SLURP2: variants seen among roughly 807,000 people sequenced by gnomAD.
SLURP2 encodes the protein secreted Ly-6/uPAR domain-containing protein 2.
Under a neutral mutation model 9.8 loss-of-function variants are expected in SLURP2, and 4 were observed. The ratio of observed to expected loss-of-function variants is 0.41; its 90% CI spans 0.20 to 0.94. SLURP2 has a LOEUF of 0.94. SLURP2 is among the 40% of genes least tolerant of loss of function. The probability of loss-of-function intolerance (pLI) is 0.32; values close to 1 mark genes in which losing one functional copy is unlikely to be tolerated. For missense variants in SLURP2, 118 were observed against 126.4 expected (o/e 0.93, Z 0.32); for synonymous variants, 58 against 56.2 (o/e 1.03, Z -0.15).
chr8:142,769,783 C>T lies in SLURP2; in HGVS notation c.24G>A (p.Leu8=). 2 of 1,600,622 alleles carry T rather than the reference C, an allele frequency of 1.2e-6. No individual in the cohort carries two copies. Among genetic ancestry groups the T allele is most frequent in the Non-Finnish European group, 8.5e-7 (1 of 1,175,598 alleles). Residue 8 remains leucine, a synonymous_variant, in exon 1 of 3, where the codon CTG becomes CTA. Coordinates refer to ENST00000317543, the MANE Select transcript of SLURP2 (RefSeq NM_177458.3). MQLGTGL[L]LAAVLSLQLA... is the part of the protein sequence containing the mutation. ...GCTGCAGGCTCAGGACGGCGGCCAG[C>T]AGGAGCCCAGTGCCGAGCTGCATGT...
At position 142,769,749 on chromosome 8, in the gene SLURP2, A is replaced by T; in HGVS notation, c.52+6T>A. 6.2e-7 allele frequency: 1 copy of T among 1,601,048 alleles called. No homozygotes were observed. The highest frequency in any genetic ancestry group is 8.5e-7 in the Non-Finnish European group (1 of 1,175,436). ...AGCAGGAGGTGGCCCCAGCCCCTGG[A>T]CTCACCCAGCTGCAGGCTCAGGACG... On this transcript the variant is annotated splice_donor_region_variant and intron_variant, in intron 1 of 2. Coordinates refer to ENST00000317543, the MANE Select transcript of SLURP2 (RefSeq NM_177458.3).
In SLURP2 at chr8:142,764,623, G is replaced by A. The variant is rs370924430; in HGVS notation, c.276C>T (p.Ser92=). 2 of 1,607,118 alleles carry A rather than the reference G, an allele frequency of 1.2e-6. No homozygotes were observed. Among genetic ancestry groups the A allele is most frequent in the Non-Finnish European group, 8.5e-7 (1 of 1,177,838 alleles). ...PYVSIACCQT[S]LCNHD is the part of the protein sequence containing the mutation. The stretch of plus-strand genomic sequence containing the variant: ...GCAGCCGTCAGTCATGGTTGCAGAG[G>A]CTGGTCTGGCAGCAAGCGATGGATA... Residue 92 remains serine, a synonymous_variant, in exon 3 of 3, where the codon AGC becomes AGT. Transcript: ENST00000317543.
intron 1 of SLURP2, among the ~76,000 whole-genome samples, chr8:142,766,952 T>G (rs1815026171): frequency 6.6e-6 from 1 of 152,072 alleles, no homozygotes; most frequent in South Asian, 2.1e-4. Flanking sequence ...AGCCCACGCC[T>G]GCCCTATCCC....
At chr8:142,769,665 G>A (rs996752728) in intron 1 of SLURP2, 90 bp downstream of exon 1, 2 of 1,187,438 alleles carry the variant, frequency 1.7e-6, no homozygotes, top group East Asian at 2.5e-5. Context: ...CTCCCGAGGT[G>A]GGCAGTCACA....
Position 142,768,273 on chromosome 8 carries a change from G to A in SLURP2, c.52+1482C>T, listed in dbSNP as rs1815064880. 6.6e-6 allele frequency among the ~76,000 whole-genome samples: 1 copy of A among 151,618 alleles called. No homozygotes were observed. Among genetic ancestry groups the A allele is most frequent in the African/African-American group, 2.4e-5 (1 of 41,228 alleles). On this transcript the variant is annotated intron_variant, in intron 1 of 2. Transcript: ENST00000317543. This position sits in a 1 kb window ranked among gnomAD's most constrained non-coding sequence, Gnocchi z 4.8. ...GAATAATGGAGGGACAAACAGGATG[G>A]TGGGATGGGCTCTGGGTGTAGCTGC...
intron 2 of SLURP2, 62 bp from the exon 3 acceptor site, chr8:142,764,803 G>A: frequency 6.3e-7 from 1 of 1,583,974 alleles, no homozygotes; most frequent in Admixed American, 1.8e-5. Context: ...AGACCCTGCT[G>A]CCCCATCTGC....
intron 2 of SLURP2, 52 bp from the exon 3 acceptor site, chr8:142,764,793 A>G (rs1230371516): frequency 1.2e-6 from 2 of 1,601,012 alleles, no homozygotes; most frequent in Non-Finnish European, 1.7e-6. Flanking sequence ...TGGTTTGCCC[A>G]GACCCTGCTG....
chr8:142,764,542 C>A lies in SLURP2; in HGVS notation c.*63G>T, dbSNP rs773721514. The A allele has an allele frequency of 6.4e-7, 1 of 1,563,380 alleles. No homozygotes were observed. The highest frequency in any genetic ancestry group is 8.7e-7 in the Non-Finnish European group (1 of 1,149,798). Reference sequence around the variant, plus strand: ...TCTCGAGGGAGGGGCAGCTGTGAGCCCTGGCGCCAGGCTGTGGGGGCTGTG... The same window carrying A: ...TCTCGAGGGAGGGGCAGCTGTGAGCACTGGCGCCAGGCTGTGGGGGCTGTG... On this transcript the variant is annotated 3_prime_UTR_variant, in exon 3 of 3. Coordinates refer to ENST00000317543, the MANE Select transcript of SLURP2 (RefSeq NM_177458.3).
chr8:142,765,272 T>C, intron 1 of SLURP2, 132 bp from the exon 2 acceptor site: 1 of 691,380 alleles, frequency 1.4e-6, no homozygotes. Flanking sequence ...CCCGACCCTG[T>C]GATCCAGCCC....
At chr8:142,765,518 G>C (rs1263719435) in intron 1 of SLURP2, among the ~76,000 whole-genome samples, 1 of 152,178 alleles carries the variant, frequency 6.6e-6, no homozygotes, top group Non-Finnish European at 1.5e-5. Context: ...TTCTGGCCAT[G>C]CCCATTTTTG....
At position 142,764,658 on chromosome 8, in the gene SLURP2, C is replaced by T. The variant is rs1174265678; in HGVS notation, c.241G>A (p.Gly81Ser). The T allele has an allele frequency of 1.2e-6, 2 of 1,610,598 alleles. No individual in the cohort carries two copies. The highest frequency in any genetic ancestry group is 8.5e-7 in the Non-Finnish European group (1 of 1,178,972). ...CAGCAAGCGATGGATACGTAGGGGCCCAGGCCCAGGCTGGGGATATCGGGG... is the reference window on the plus strand; with the variant it reads ...CAGCAAGCGATGGATACGTAGGGGCTCAGGCCCAGGCTGGGGATATCGGGG... ...GCPDIPSLGL[G>S]PYVSIACCQT... The change falls in exon 3 of 3, where the codon GGC (glycine) becomes AGC (serine). Residue 81 changes from glycine (G) to serine (S), a missense_variant. Gly to Ser is a moderately conservative substitution (Grantham distance 56). Transcript: ENST00000317543.
Position 142,764,526 on chromosome 8 carries a change from A to AG in SLURP2, c.*78dup, listed in dbSNP as rs762251530. On this transcript the variant is annotated 3_prime_UTR_variant, in exon 3 of 3. Coordinates refer to ENST00000317543, the MANE Select transcript of SLURP2 (RefSeq NM_177458.3). ...GAGGTGGGCTGGCCAGTCTCGAGGGAGGGGCAGCTGTGAGCCCTGGCGCCA... is the reference window on the plus strand; with the variant it reads ...GAGGTGGGCTGGCCAGTCTCGAGGGAGGGGGCAGCTGTGAGCCCTGGCGCCA... The AG allele has an allele frequency of 1.4e-6, 2 of 1,430,520 alleles. No individual in the cohort carries two copies. The highest frequency in any genetic ancestry group is 2.4e-5 in the South Asian group (2 of 82,980). 88.6% of individuals were successfully genotyped at this position (1,430,520 alleles called of 1,614,324 possible).
chr8:142,765,439 A>T (rs1814971900), intron 1 of SLURP2, among the ~76,000 whole-genome samples: 1 of 142,048 alleles, frequency 7.0e-6, no homozygotes, highest in Admixed American at 7.0e-5. Flanking sequence ...GTGGTGGTGC[A>T]GCAGCCTGGG....
At chr8:142,767,424 G>T (rs1224773620) in intron 1 of SLURP2, among the ~76,000 whole-genome samples, 3 of 152,242 alleles carry the variant, frequency 2.0e-5, no homozygotes, top group African/African-American at 7.2e-5. Context: ...AACACTGGCA[G>T]CCACAGGCCA....
At position 142,765,265 on chromosome 8, in the gene SLURP2, G is replaced by A. The variant is rs113853570; in HGVS notation, c.53-125C>T. ...GCTCCTTCTCAGCGGCCAGTGTCCC[G>A]ACCCTGTGATCCAGCCCTCTCAGGA... On this transcript the variant is annotated intron_variant, in intron 1 of 2. Coordinates refer to ENST00000317543, the MANE Select transcript of SLURP2 (RefSeq NM_177458.3). 3.8e-3 allele frequency: 2,779 copies of A among 730,714 alleles called. 55 individuals are homozygous for A. The African/African-American group carries it at 0.044, about 12-fold the overall frequency. 45.3% of individuals were successfully genotyped at this position (730,714 alleles called of 1,614,324 possible). A position where few individuals can be genotyped will look rare whatever the true frequency, so the allele number is the denominator to read the frequency against.
chr8:142,766,353 CTT>C (rs1815006278), intron 1 of SLURP2: 2 of 152,012 alleles, frequency 1.3e-5, no homozygotes. Flanking sequence ...TAACTTAACT[CTT>C]TGTTCAGAGC....
chr8:142,764,424 G>C lies in SLURP2; in HGVS notation c.*181C>G, dbSNP rs1814926598. Reference sequence around the variant, plus strand: ...GCACGATGGGCCCCAGGCTTGGACGGCAGCAGATTGAGGCAAGACTCCACG... The same window carrying C: ...GCACGATGGGCCCCAGGCTTGGACGCCAGCAGATTGAGGCAAGACTCCACG... On this transcript the variant is annotated 3_prime_UTR_variant, in exon 3 of 3. Transcript: ENST00000317543. The C allele has an allele frequency of 1.4e-6, 1 of 723,634 alleles. No homozygotes were observed. Among genetic ancestry groups the C allele is most frequent in the Admixed American group, 2.2e-5 (1 of 44,806 alleles). The allele number at this position is 723,634 out of a possible 1,614,324, so 44.8% of individuals were successfully genotyped here. A position where few individuals can be genotyped will look rare whatever the true frequency, so the allele number is the denominator to read the frequency against.
intron 1 of SLURP2, among the ~76,000 whole-genome samples, chr8:142,769,217 C>T (rs1405945473): frequency 1.8e-4 from 5 of 27,532 alleles, no homozygotes; most frequent in South Asian, 1.2e-3. Flanking sequence ...CTGCGGGGGT[C>T]GAGGGTTGGG....
rs780092751 is a variant in SLURP2 at position 142,764,481 on chromosome 8, G to C, written c.*124C>G. The C allele has an allele frequency of 1.0e-6, 1 of 992,876 alleles. No homozygotes were observed. The allele number at this position is 992,876 out of a possible 1,614,324, so 61.5% of individuals were successfully genotyped here. On this transcript the variant is annotated 3_prime_UTR_variant, in exon 3 of 3. Transcript: ENST00000317543. ...TTCCCTAGGACAAGCGGTGCTGGAC[G>C]GTGGCTGCAGAGGCCGGGAGAGGTG...
Sources: gnomAD v4.1 joint callset for allele counts (sites outside exome capture counted in the v4.1 genomes callset) on GRCh38, gnomAD v4.1.1 for gene constraint, Gnocchi (gnomAD v3.1) non-coding constraint, MANE v1.5 for transcripts, NCBI Gene and HGNC (gene_info 2026-07-23, HGNC 2026-07-21) for gene names.